The following USP30 variants were observed in gnomAD, a reference collection of about 807,000 sequenced individuals.
USP30 encodes the protein ubiquitin carboxyl-terminal hydrolase 30.
A neutral mutation model predicts 68.2 loss-of-function variants in USP30; 41 were observed. The ratio of observed to expected loss-of-function variants is 0.60; its 90% CI spans 0.47 to 0.78. The LOEUF is 0.78. Ranked by LOEUF, USP30 falls within the 30% of genes least tolerant of loss-of-function variation. The pLI is 0.00. For synonymous variants in USP30, 229 were observed against 253.7 expected, an observed-to-expected ratio of 0.90 and a Z score of 0.93; for missense variants, 522 against 649.4, an observed-to-expected ratio of 0.80 and a Z score of 2.13.
intron 7 of USP30, among the ~76,000 whole-genome samples, chr12:109,078,347 C>T (rs1267363386): frequency 6.6e-6 from 1 of 152,012 alleles, no homozygotes; most frequent in Admixed American, 6.6e-5. Context: ...TGGCTTGAAC[C>T]CAGGAGGCCG....
chr12:109,072,393 T>C, intron 6 of USP30, 43 bp downstream of exon 6: 1 of 1,574,992 alleles, frequency 6.3e-7, no homozygotes, highest in Non-Finnish European at 8.7e-7. Flanking sequence ...GATGTGGACT[T>C]TTAAGATATG....
intron 3 of USP30, among the ~76,000 whole-genome samples, chr12:109,041,290 C>A (rs1185460175): frequency 2.6e-5 from 4 of 152,142 alleles, no homozygotes; most frequent in African/African-American, 9.7e-5. Flanking sequence ...AGGAAACATG[C>A]ACAATTAATC....
rs1341130766 is a variant in USP30 at position 109,063,878 on chromosome 12, C to CTT, written c.377-3629_377-3628dup. On this transcript the variant is annotated intron_variant, in intron 3 of 12. Coordinates refer to ENST00000257548, the MANE Select transcript of USP30 (RefSeq NM_032663.5). ...CTTTGCCCATTTTTGAATTGGGTTT[C>CTT]TTTTTTTTTTTTTTTTTTGAGAAGT... Among the ~76,000 whole-genome samples the CTT allele has an allele frequency of 6.7e-3, 851 of 127,242 alleles. 21 individuals are homozygous for CTT. Among genetic ancestry groups the CTT allele is most frequent in the African/African-American group, 0.02 (672 of 33,984 alleles). The allele number at this position is 127,242 out of a possible 152,430, so 83.5% of individuals were successfully genotyped here.
intron 3 of USP30, among the ~76,000 whole-genome samples, chr12:109,067,306 A>G (rs766933568): frequency 3.3e-5 from 5 of 150,892 alleles, no homozygotes; most frequent in Non-Finnish European, 5.9e-5. Context: ...TTTAGTGGAG[A>G]CGGAGTTTCA....
intron 7 of USP30, among the ~76,000 whole-genome samples, chr12:109,075,146 C>T (rs1440145516): frequency 6.6e-6 from 1 of 152,176 alleles, no homozygotes; most frequent in East Asian, 1.9e-4. Context: ...GTGAATAATG[C>T]TACAATGAAG....
rs879531788 is a variant in USP30, at chr12:109,041,634, C to CA, written c.-135-5945dup. Among the ~76,000 whole-genome samples the CA allele has an allele frequency of 1.3e-3, 161 of 123,146 alleles. 1 individual carries two copies. The Middle Eastern group carries it at 0.022, about 17-fold the overall frequency. The allele number at this position is 123,146 out of a possible 152,430, so 80.8% of individuals were successfully genotyped here. ...TGGGTGACAGAGCGAAACTCCATTTCAAAAAAAAAAAGAAAAAAGAAAAAG... is the reference window on the plus strand; with the variant it reads ...TGGGTGACAGAGCGAAACTCCATTTCAAAAAAAAAAAAGAAAAAAGAAAAAG... On this transcript the variant is annotated intron_variant, in intron 3 of 15. Coordinates refer to the USP30 transcript ENST00000392784.
chr12:109,047,599 T>C (rs923173757), upstream of USP30: 1 of 152,198 alleles, frequency 6.6e-6, no homozygotes, highest in Non-Finnish European at 1.5e-5. Flanking sequence ...GACCGGACAC[T>C]AAGACCCAGC....
intron 3 of USP30, among the ~76,000 whole-genome samples, chr12:109,061,447 C>A (rs1354042338): frequency 6.7e-6 from 1 of 149,712 alleles, no homozygotes; most frequent in Non-Finnish European, 1.5e-5. Flanking sequence ...TTCTGTCTGT[C>A]GCCCAGGCTG....
chr12:109,075,146 C>G (rs1440145516), intron 7 of USP30, among the ~76,000 whole-genome samples: 1 of 152,176 alleles, frequency 6.6e-6, no homozygotes. Flanking sequence ...GTGAATAATG[C>G]TACAATGAAG....
chr12:109,054,087 A>G, intron 1 of USP30: 1 of 455,544 alleles, frequency 2.2e-6, no homozygotes, highest in Non-Finnish European at 4.4e-6. Context: ...ACCCTTAAAT[A>G]TTAGTGTTTG....
chr12:109,027,962 A>G (rs1484107662), intron 3 of USP30, among the ~76,000 whole-genome samples: 1 of 152,186 alleles, frequency 6.6e-6, no homozygotes, highest in Non-Finnish European at 1.5e-5. Flanking sequence ...TTTTTGAGGA[A>G]CTGCCAAGCT....
intron 3 of USP30, among the ~76,000 whole-genome samples, chr12:109,064,674 T>C (rs2041191149): frequency 6.6e-6 from 1 of 152,244 alleles, no homozygotes. Context: ...ATAAGCAGGC[T>C]ACAGTGAACA....
intron 7 of USP30, among the ~76,000 whole-genome samples, chr12:109,081,047 T>G (rs141238648): frequency 6.6e-6 from 1 of 152,260 alleles, no homozygotes; most frequent in African/African-American, 2.4e-5. Context: ...ATGAATATTC[T>G]TGTAGTTATG....
chr12:109,078,634 A>G (rs971408107), intron 7 of USP30, among the ~76,000 whole-genome samples: 7 of 152,090 alleles, frequency 4.6e-5, no homozygotes, highest in African/African-American at 1.7e-4. Context: ...TCTTCTACTA[A>G]TTAATTAATA....
chr12:109,052,854 TC>T, intron 1 of USP30, 93 bp downstream of exon 1: 2 of 1,259,514 alleles, frequency 1.6e-6, no homozygotes, highest in Non-Finnish European at 1.0e-6. Context: ...AGTTGGGGTC[TC>T]CAGGGCCCGC....
intron 4 of USP30, among the ~76,000 whole-genome samples, chr12:109,069,635 C>G (rs895364013): frequency 9.2e-5 from 14 of 152,202 alleles, no homozygotes; most frequent in Admixed American, 2.6e-4. Flanking sequence ...GTTTCCTGCT[C>G]TCTTAGAGCT....
Position 109,083,058 on chromosome 12 carries a change from A to G in USP30, c.1164A>G (p.Thr388=), listed in dbSNP as rs775082372. 1.2e-6 allele frequency: 2 copies of G among 1,603,262 alleles called. No individual in the cohort carries two copies. The highest frequency in any genetic ancestry group is 1.7e-6 in the Non-Finnish European group (2 of 1,174,806). The part of the protein sequence containing the change: ...LELQDGPGAP[T]PVLNQPGAPK... ...TGCAGGATGGGCCGGGAGCCCCCAC[A>G]CCAGGTGTGTGCGCGCGAGGAGCCG... The change falls in exon 11 of 13, where the codon ACA becomes ACG. Residue 388 remains threonine, a synonymous_variant. Transcript: ENST00000257548.
upstream of USP30, among the ~76,000 whole-genome samples, chr12:109,050,417 T>G (rs1455514083): frequency 1.3e-5 from 2 of 152,228 alleles, no homozygotes; most frequent in African/African-American, 4.8e-5. Flanking sequence ...CCCTCAATCC[T>G]TTTTAAGCGT....
At chr12:109,031,300 T>G (rs1320701567) in intron 3 of USP30, among the ~76,000 whole-genome samples, 1 of 152,230 alleles carries the variant, frequency 6.6e-6, no homozygotes, top group Non-Finnish European at 1.5e-5. Flanking sequence ...ACTCTACACA[T>G]GTGTCCTCAA....
Sources: allele counts gnomAD v4.1 joint callset (sites outside exome capture counted in the v4.1 genomes callset), GRCh38; gene constraint gnomAD v4.1.1; transcripts MANE v1.5; gene names NCBI Gene and HGNC (gene_info 2026-07-23, HGNC 2026-07-21).